ERBIN: variants seen among roughly 807,000 people sequenced by gnomAD.
The protein encoded by ERBIN is densin-180-like protein.
In ERBIN, 60 loss-of-function variants were observed where a neutral mutation model predicts 158.4. The observed-to-expected ratio is 0.38, with a 90% CI of 0.31 to 0.47. ERBIN has a LOEUF of 0.47. Ranked by LOEUF, ERBIN falls within the 20% of genes least tolerant of loss-of-function variation. The probability of loss-of-function intolerance (pLI) is 0.99; values close to 1 mark genes in which losing one functional copy is unlikely to be tolerated. For synonymous variants in ERBIN, 594 were observed against 557.2 expected (o/e 1.07, Z -0.93); for missense variants, 1,610 against 1,648.0 (o/e 0.98, Z 0.40).
At chr5:66,003,841 C>CTGTA (rs1249485854) in intron 4 of ERBIN, among the ~76,000 whole-genome samples, 1 of 147,926 alleles carries the variant, frequency 6.8e-6, no homozygotes, top group East Asian at 2.0e-4. Flanking sequence ...GAGAGTTCTT[C>CTGTA]TGTAACTGAG....
In ERBIN at chr5:66,082,538, T is replaced by C. The variant is rs985062301; in HGVS notation, c.*4008T>C. On this transcript the variant is annotated 3_prime_UTR_variant, in exon 26 of 26. Transcript: ENST00000284037. The stretch of plus-strand genomic sequence containing the variant: ...CAAGGGATTCAATAAAGCTTATTTT[T>C]CATGAAAACAAGCCTATAAATACTG... 1 of 152,196 alleles carries C rather than the reference T, an allele frequency of 6.6e-6. No homozygotes were observed. Among genetic ancestry groups the C allele is most frequent in the Non-Finnish European group, 1.5e-5 (1 of 68,026 alleles). The allele number at this position is 152,196 out of a possible 1,614,324, so 9.4% of individuals were successfully genotyped here.
rs1047131046 is a variant in ERBIN, at chr5:66,079,763, C to G, written c.*1233C>G. On this transcript the variant is annotated 3_prime_UTR_variant, in exon 26 of 26. Transcript: ENST00000284037. ...AACATTAAATGTGAACTCAACACTTCCAGAGTCTTTAAAGGGTTTCTATGT... is the reference window on the plus strand; with the variant it reads ...AACATTAAATGTGAACTCAACACTTGCAGAGTCTTTAAAGGGTTTCTATGT... The G allele has an allele frequency of 6.6e-6, 1 of 152,530 alleles. No individual in the cohort carries two copies. The highest frequency in any genetic ancestry group is 1.5e-5 in the Non-Finnish European group (1 of 67,982). 9.4% of individuals were successfully genotyped at this position (152,530 alleles called of 1,614,324 possible).
intron 1 of ERBIN, among the ~76,000 whole-genome samples, chr5:65,940,457 A>G (rs973784865): frequency 1.8e-4 from 9 of 50,174 alleles, no homozygotes; most frequent in South Asian, 7.4e-4. Flanking sequence ...CCCGTCCGGG[A>G]GGGAGGTGGG....
At chr5:65,971,786 G>C (rs1257851147) in intron 1 of ERBIN, among the ~76,000 whole-genome samples, 1 of 152,172 alleles carries the variant, frequency 6.6e-6, no homozygotes, top group Non-Finnish European at 1.5e-5. Flanking sequence ...CTATCTTTCA[G>C]TCCCACTTAC....
intron 1 of ERBIN, among the ~76,000 whole-genome samples, chr5:65,942,372 A>C (rs1745160829): frequency 6.6e-6 from 1 of 152,190 alleles, no homozygotes; most frequent in African/African-American, 2.4e-5. Context: ...ACTATTTCCC[A>C]AAGATTTTTA....
At chr5:66,076,451 A>G (rs943746970) in intron 24 of ERBIN, 43 bp downstream of exon 24, 15 of 1,388,042 alleles carry the variant, frequency 1.1e-5, no homozygotes, top group African/African-American at 2.9e-5. Context: ...ATAAAGTTTT[A>G]TTTACCGATT....
intron 4 of ERBIN, among the ~76,000 whole-genome samples, chr5:66,001,001 T>C (rs1458121995): frequency 6.6e-6 from 1 of 152,142 alleles, no homozygotes; most frequent in Non-Finnish European, 1.5e-5. Context: ...TATAGGTCTA[T>C]TGTGTTGAAA....
intron 1 of ERBIN, among the ~76,000 whole-genome samples, chr5:65,929,270 C>T (rs930952835): frequency 1.3e-5 from 2 of 151,832 alleles, no homozygotes; most frequent in African/African-American, 2.4e-5. Flanking sequence ...TAAATAATAC[C>T]CTTTAAGAAA....
intron 21 of ERBIN, among the ~76,000 whole-genome samples, chr5:66,059,399 C>G (rs1210169150): frequency 1.3e-5 from 2 of 152,278 alleles, no homozygotes; most frequent in South Asian, 2.1e-4. Flanking sequence ...TATCCTGAGA[C>G]TTTGCTGAAG....
At chr5:66,043,712 C>T (rs1463868827) in intron 16 of ERBIN, among the ~76,000 whole-genome samples, 1 of 152,048 alleles carries the variant, frequency 6.6e-6, no homozygotes, top group Non-Finnish European at 1.5e-5. Flanking sequence ...GCCCCTTATA[C>T]AAACTTAGCT....
At chr5:66,019,752 C>T (rs1476438560) in intron 7 of ERBIN, among the ~76,000 whole-genome samples, 3 of 152,006 alleles carry the variant, frequency 2.0e-5, no homozygotes, top group African/African-American at 4.8e-5. Context: ...CAATGCACAC[C>T]TTTTCATTTT....
chr5:65,987,396 G>T (rs867926148), intron 1 of ERBIN, among the ~76,000 whole-genome samples: 1 of 14,402 alleles, frequency 6.9e-5, no homozygotes, highest in Non-Finnish European at 1.8e-4. Context: ...ACACACACAC[G>T]AAAAAAGAAA....
At chr5:66,048,844 G>T in intron 19 of ERBIN, 63 bp downstream of exon 19, 1 of 992,230 alleles carries the variant, frequency 1.0e-6, no homozygotes, top group Admixed American at 2.9e-5. Flanking sequence ...AAATTTTTTT[G>T]AAATAAATTT....
chr5:65,954,846 C>T (rs909313837), intron 1 of ERBIN, among the ~76,000 whole-genome samples: 5 of 151,710 alleles, frequency 3.3e-5, no homozygotes. Flanking sequence ...TGGGGGATCA[C>T]TTGAGGTCAG....
At chr5:66,036,870 G>A (rs181157801) in intron 14 of ERBIN, among the ~76,000 whole-genome samples, 2 of 152,332 alleles carry the variant, frequency 1.3e-5, no homozygotes, top group Admixed American at 6.5e-5. Context: ...GGAACTGAGA[G>A]GCCAGATATA....
chr5:66,013,609 T>C lies in ERBIN; in HGVS notation c.447T>C (p.Phe149=). The change falls in exon 6 of 26, where the codon TTT becomes TTC. Residue 149 remains phenylalanine, a synonymous_variant. Transcript: ENST00000284037. The part of the protein sequence containing the change: ...NLTQLYLNDA[F]LEFLPANFGR... ...CCCAGTTGTATCTGAATGATGCTTT[T>C]CTTGAGTTCTTGCCAGCAAATTTTG... 1 of 1,613,496 alleles carries C rather than the reference T, an allele frequency of 6.2e-7. No individual in the cohort carries two copies.
At chr5:65,971,869 T>C (rs1423178196) in intron 1 of ERBIN, among the ~76,000 whole-genome samples, 5 of 152,248 alleles carry the variant, frequency 3.3e-5, no homozygotes, top group African/African-American at 4.8e-5. Context: ...CTGCTCCATC[T>C]AGGAGGGCAG....
chr5:65,939,861 C>T (rs1180614680), intron 1 of ERBIN, among the ~76,000 whole-genome samples: 4 of 151,824 alleles, frequency 2.6e-5, no homozygotes, highest in Admixed American at 1.3e-4. Flanking sequence ...CAATGGTGCC[C>T]AGGCTGGAGT....
intron 23 of ERBIN, 21 bp from the exon 24 acceptor site, chr5:66,076,295 T>A: frequency 6.3e-7 from 1 of 1,593,312 alleles, no homozygotes; most frequent in Non-Finnish European, 8.6e-7. Flanking sequence ...GTAAGTTTCC[T>A]TTATTTTCAT....
Sources: allele counts gnomAD v4.1 joint callset (sites outside exome capture counted in the v4.1 genomes callset), GRCh38; gene constraint gnomAD v4.1.1; transcripts MANE v1.5; gene names NCBI Gene and HGNC (gene_info 2026-07-23, HGNC 2026-07-21).